The following WBP4 variants were observed in gnomAD, a reference collection of about 807,000 sequenced individuals.
WBP4 encodes the protein WW domain binding protein 4.
WBP4 carries 37 observed loss-of-function variants against 55.4 expected under a neutral mutation model. The observed-to-expected ratio is 0.67, with a 90% CI of 0.51 to 0.88. The LOEUF is 0.88. WBP4 is among the 40% of genes least tolerant of loss of function. The pLI is 0.00. For missense variants in WBP4, 398 were observed against 420.8 expected, an observed-to-expected ratio of 0.95 and a Z score of 0.47; for synonymous variants, 142 against 140.2, an observed-to-expected ratio of 1.01 and a Z score of -0.09.
chr13:41,065,510 A>C (rs1877935055), intron 4 of WBP4, among the ~76,000 whole-genome samples: 1 of 152,188 alleles, frequency 6.6e-6, no homozygotes, highest in South Asian at 2.1e-4. Flanking sequence ...CATAGCAGCC[A>C]TACTACTTTT....
At chr13:41,082,348 A>G (rs893095260) in intron 9 of WBP4, among the ~76,000 whole-genome samples, 3 of 152,046 alleles carry the variant, frequency 2.0e-5, no homozygotes, top group African/African-American at 7.2e-5. Context: ...TCCTGAGCTC[A>G]AGTGATCCTC....
intron 7 of WBP4, among the ~76,000 whole-genome samples, chr13:41,073,798 CTG>C (rs1243889473): frequency 1.3e-5 from 2 of 152,098 alleles, no homozygotes; most frequent in African/African-American, 4.8e-5. Context: ...CAGAGCAAGA[CTG>C]TCTCAAAATA....
chr13:41,077,215 C>G (rs1667688329), intron 8 of WBP4, among the ~76,000 whole-genome samples: 1 of 151,828 alleles, frequency 6.6e-6, no homozygotes, highest in African/African-American at 2.4e-5. Flanking sequence ...TTAAAAACAA[C>G]CATATAATCA....
At chr13:41,079,885 C>T (rs757359513) in intron 8 of WBP4, among the ~76,000 whole-genome samples, 8 of 152,126 alleles carry the variant, frequency 5.3e-5, no homozygotes, top group Non-Finnish European at 1.0e-4. Context: ...TGGAATACTA[C>T]TCAGCCATAA....
chr13:41,071,270 T>A (rs754348816), intron 5 of WBP4, among the ~76,000 whole-genome samples: 18 of 152,258 alleles, frequency 1.2e-4, no homozygotes, highest in Non-Finnish European at 2.5e-4. Context: ...TGAGAAGCCC[T>A]GCCTGGCTCT....
At chr13:41,062,030 T>TG (rs1877677859) in intron 1 of WBP4, 1 of 974,010 alleles carries the variant, frequency 1.0e-6, no homozygotes, top group Non-Finnish European at 1.2e-6. Flanking sequence ...TAGGGTATTG[T>TG]GAAACTAGGG....
chr13:41,078,153 T>C (rs895286378), intron 8 of WBP4, among the ~76,000 whole-genome samples: 2 of 152,188 alleles, frequency 1.3e-5, no homozygotes, highest in African/African-American at 4.8e-5. Context: ...CTGAAATTTA[T>C]GTGAAACCAA....
chr13:41,063,796 G>A (rs546656479), intron 2 of WBP4, among the ~76,000 whole-genome samples: 3 of 151,986 alleles, frequency 2.0e-5, no homozygotes, highest in Non-Finnish European at 2.9e-5. Context: ...TTTAGGAAAC[G>A]CAATGTATGA....
At position 41,080,794 on chromosome 13, in the gene WBP4, A is replaced by C; in HGVS notation, c.905A>C (p.Gln302Pro). Residue 302 changes from glutamine (Q) to proline (P), a missense_variant, in exon 9 of 10, where the codon CAA becomes CCA. Coordinates refer to ENST00000379487, the MANE Select transcript of WBP4 (RefSeq NM_007187.5). Reference protein sequence around the residue: ...NPYGEWQEIKQEVESHEEVDL... With the variant: ...NPYGEWQEIKPEVESHEEVDL... ...TATGGAGAATGGCAAGAAATTAAAC[A>C]AGAGGTTGAGTCTCAGTAAGTACCT... The C allele has an allele frequency of 2.5e-6, 4 of 1,606,902 alleles. No homozygotes were observed. The highest frequency in any genetic ancestry group is 3.4e-6 in the Non-Finnish European group (4 of 1,178,554).
At position 41,068,558 on chromosome 13, in the gene WBP4, T is replaced by A; in HGVS notation, c.263-3T>A. On this transcript the variant is annotated splice_region_variant and splice_polypyrimidine_tract_variant and intron_variant, in intron 4 of 9. Transcript: ENST00000379487. The stretch of plus-strand genomic sequence containing the variant: ...CTGCTTTACCCTTCTCTCATCTCTT[T>A]AGAAATTTTGGAGCCAAGCATAACA... The A allele has an allele frequency of 1.9e-6, 3 of 1,590,378 alleles. No individual in the cohort carries two copies. The highest frequency in any genetic ancestry group is 1.7e-4 in the Middle Eastern group (1 of 5,926).
chr13:41,067,817 C>T (rs1025622136), intron 4 of WBP4, among the ~76,000 whole-genome samples: 3 of 151,808 alleles, frequency 2.0e-5, no homozygotes, highest in African/African-American at 7.3e-5. Flanking sequence ...TTTCATTTGT[C>T]TTATATATGT....
Position 41,082,733 on chromosome 13 carries a change from C to A in WBP4, c.950C>A (p.Thr317Asn), listed in dbSNP as rs1878836679. The A allele has an allele frequency of 6.2e-7, 1 of 1,613,994 alleles. No individual in the cohort carries two copies. The highest frequency in any genetic ancestry group is 1.1e-5 in the South Asian group (1 of 91,086). ...GAGGTAGATTTGGAACTTCCAAGCACTGAAAATGAGTATGTATCAACTTCA... is the reference window on the plus strand; with the variant it reads ...GAGGTAGATTTGGAACTTCCAAGCAATGAAAATGAGTATGTATCAACTTCA... ...HEEVDLELPS[T>N]ENEYVSTSEA... Residue 317 changes from threonine to asparagine, a missense_variant, in exon 10 of 10, where the codon ACT (threonine) becomes AAT (asparagine). By Grantham distance (65) the Thr-to-Asn change is moderately conservative (BLOSUM62 0). Transcript: ENST00000379487.
chr13:41,069,878 CAAAAAAA>C (rs1178697602), intron 5 of WBP4, among the ~76,000 whole-genome samples: 2 of 75,638 alleles, frequency 2.6e-5, no homozygotes, highest in East Asian at 7.2e-4. Flanking sequence ...AAGTCCATCT[CAAAAAAA>C]AAAAAAAGAA....
intron 4 of WBP4, 51 bp from the exon 5 acceptor site, chr13:41,068,510 A>G: frequency 6.9e-7 from 1 of 1,447,702 alleles, no homozygotes; most frequent in Non-Finnish European, 9.1e-7. Context: ...GCCAGCAACC[A>G]TAAAAAATAG....
chr13:41,069,705 CA>C (rs35819905), intron 5 of WBP4, among the ~76,000 whole-genome samples: 51,743 of 75,728 alleles, frequency 0.68, 17,551 homozygotes, highest in Non-Finnish European at 0.8. Context: ...GACTCTGCCT[CA>C]AAAAAAAAAA....
intron 5 of WBP4, among the ~76,000 whole-genome samples, chr13:41,070,971 A>G (rs1878216962): frequency 6.6e-6 from 1 of 152,210 alleles, no homozygotes; most frequent in Admixed American, 6.5e-5. Flanking sequence ...TGCATATTGT[A>G]GTTTAGCAAT....
chr13:41,068,550 C>A lies in WBP4; in HGVS notation c.263-11C>A. On this transcript the variant is annotated splice_polypyrimidine_tract_variant and intron_variant, in intron 4 of 9. Transcript: ENST00000379487. ...TACTATAGCTGCTTTACCCTTCTCT[C>A]ATCTCTTTAGAAATTTTGGAGCCAA... is the stretch of plus-strand genomic sequence containing the variant. The A allele has an allele frequency of 6.3e-7, 1 of 1,582,946 alleles. No homozygotes were observed.
chr13:41,071,510 A>G lies in WBP4; in HGVS notation c.440-17A>G, dbSNP rs759106713. The G allele has an allele frequency of 2.5e-6, 4 of 1,588,230 alleles. No individual in the cohort carries two copies. In the South Asian group the frequency reaches 3.5e-5, roughly 14 times the overall value. On this transcript the variant is annotated splice_polypyrimidine_tract_variant and intron_variant, in intron 5 of 9. Transcript: ENST00000379487. ...AAAGCAAAAAGATTTTATAAATGCA[A>G]TATATTTTGCTTTAAGCATCTCAGT...
intron 4 of WBP4, among the ~76,000 whole-genome samples, chr13:41,065,961 T>C (rs1406227762): frequency 6.6e-6 from 1 of 152,214 alleles, no homozygotes; most frequent in Non-Finnish European, 1.5e-5. Context: ...CAACATGTGA[T>C]GGTATTCCTC....
Sources: gnomAD v4.1 joint callset for allele counts (sites outside exome capture counted in the v4.1 genomes callset) on GRCh38, gnomAD v4.1.1 for gene constraint, MANE v1.5 for transcripts, NCBI Gene and HGNC (gene_info 2026-07-23, HGNC 2026-07-21) for gene names.